The following ANTXR1 variants were observed in gnomAD, a reference collection of about 807,000 sequenced individuals.
The protein encoded by ANTXR1 is anthrax toxin receptor 1.
A neutral mutation model predicts 78.1 loss-of-function variants in ANTXR1; 19 were observed. The ratio of observed to expected loss-of-function variants is 0.24; its 90% CI spans 0.17 to 0.36. The LOEUF is 0.36. ANTXR1 is among the 10% of genes least tolerant of loss of function. The pLI is 1.00. For missense variants in ANTXR1, 518 were observed against 718.6 expected, an observed-to-expected ratio of 0.72 and a Z score of 3.19; for synonymous variants, 273 against 260.5, an observed-to-expected ratio of 1.05 and a Z score of -0.46.
chr2:69,146,848 C>T (rs1350352071), intron 12 of ANTXR1, among the ~76,000 whole-genome samples: 1 of 152,244 alleles, frequency 6.6e-6, no homozygotes, highest in Non-Finnish European at 1.5e-5. Context: ...CTATGTGGCC[C>T]TATGGTCTCA....
intron 12 of ANTXR1, among the ~76,000 whole-genome samples, chr2:69,141,901 A>T (rs1673079456): frequency 6.6e-6 from 1 of 152,164 alleles, no homozygotes; most frequent in African/African-American, 2.4e-5. Flanking sequence ...ACCCCCAAAT[A>T]GATGCTGGGT....
intron 17 of ANTXR1, among the ~76,000 whole-genome samples, chr2:69,214,056 C>T (rs1675117165): frequency 1.3e-5 from 2 of 152,268 alleles, no homozygotes; most frequent in Admixed American, 1.3e-4. Flanking sequence ...GCCAGAGCAG[C>T]GCCTCCACAC....
At chr2:69,076,187 G>A (rs898400796) in intron 7 of ANTXR1, among the ~76,000 whole-genome samples, 4 of 151,998 alleles carry the variant, frequency 2.6e-5, no homozygotes, top group Non-Finnish European at 4.4e-5. Context: ...GTATTGCCCA[G>A]GCTGGTCTCT....
chr2:69,163,067 T>C (rs1673726632), intron 13 of ANTXR1, among the ~76,000 whole-genome samples: 1 of 152,190 alleles, frequency 6.6e-6, no homozygotes, highest in Admixed American at 6.5e-5. Flanking sequence ...TAAAACATAC[T>C]TCAGTAAATA....
At chr2:69,070,513 T>C (rs1195906331) in intron 3 of ANTXR1, 134 bp from the exon 4 acceptor site, 1 of 812,430 alleles carries the variant, frequency 1.2e-6, no homozygotes, top group East Asian at 2.5e-5. Context: ...GGCCTTCCCT[T>C]TGATAGGCTT....
intron 8 of ANTXR1, among the ~76,000 whole-genome samples, chr2:69,089,891 A>T (rs1195353776): frequency 6.6e-6 from 1 of 152,190 alleles, no homozygotes; most frequent in Non-Finnish European, 1.5e-5. Context: ...AAAATACTTG[A>T]TTCAAATTCT....
chr2:69,188,171 G>A (rs939450342), intron 16 of ANTXR1, among the ~76,000 whole-genome samples: 3 of 151,936 alleles, frequency 2.0e-5, no homozygotes, highest in South Asian at 2.1e-4. Context: ...GCAGTGGTGC[G>A]ATCATATAGC....
chr2:69,065,893 G>A (rs1670384865), intron 3 of ANTXR1, among the ~76,000 whole-genome samples: 1 of 152,202 alleles, frequency 6.6e-6, no homozygotes, highest in Admixed American at 6.5e-5. Context: ...TTCCAGGAGT[G>A]GCATTAGTGG....
intron 12 of ANTXR1, chr2:69,146,195 A>G: frequency 1.0e-6 from 1 of 985,372 alleles, no homozygotes; most frequent in Non-Finnish European, 1.2e-6. Context: ...ACAAGACTTA[A>G]AACTATTCAT....
At chr2:69,147,317 A>T (rs570038591) in intron 12 of ANTXR1, among the ~76,000 whole-genome samples, 8 of 152,368 alleles carry the variant, frequency 5.3e-5, no homozygotes, top group African/African-American at 1.7e-4. Context: ...ATGTGCATCT[A>T]CTTCTATTCT....
chr2:69,215,093 C>G (rs1675143755), intron 17 of ANTXR1, among the ~76,000 whole-genome samples: 1 of 152,214 alleles, frequency 6.6e-6, no homozygotes, highest in Non-Finnish European at 1.5e-5. Context: ...CCCCTCCATC[C>G]TGCTGCACAG....
rs73934658 is a variant in ANTXR1, at chr2:69,039,837, T to A, written c.153-207T>A. On this transcript the variant is annotated intron_variant, in intron 1 of 17. Coordinates refer to ENST00000303714, the MANE Select transcript of ANTXR1 (RefSeq NM_032208.3). ...ATTTGGGGTGGGGGCAGTGCGAGAT[T>A]GGGGGAGTTCTTTTACAACATCTTA... 1.8e-3 allele frequency among the ~76,000 whole-genome samples: 268 copies of A among 151,518 alleles called. 1 individual carries two copies. The highest frequency in any genetic ancestry group is 6.2e-3 in the African/African-American group (257 of 41,278).
intron 10 of ANTXR1, among the ~76,000 whole-genome samples, chr2:69,108,109 G>A (rs183014152): frequency 3.8e-4 from 58 of 152,350 alleles, no homozygotes; most frequent in African/African-American, 4.8e-5. Context: ...TGTGGCTAGT[G>A]CAATTGAGGA....
At position 69,181,856 on chromosome 2, in the gene ANTXR1, G is replaced by C. The variant is rs1371064489; in HGVS notation, c.1160G>C (p.Gly387Ala). ...TVDASYYGGR[G>A]VGGIKRMEVR... ...GACGCCTCTTATTATGGTGGGAGAG[G>C]CGTTGGAGGCATTAAAAGAATGGAG... Residue 387 changes from glycine (G) to alanine (A), a missense_variant, in exon 15 of 18, where the codon GGC (glycine) becomes GCC (alanine). By Grantham distance (60) the Gly-to-Ala change is moderately conservative. This residue lies in a region of ANTXR1 where 1 missense variants were observed against 17.1 expected (regional missense o/e 0.06). Transcript: ENST00000303714. The C allele has an allele frequency of 6.2e-7, 1 of 1,614,008 alleles. No homozygotes were observed.
chr2:69,026,643 T>C (rs1024153116), intron 1 of ANTXR1, among the ~76,000 whole-genome samples: 1 of 152,222 alleles, frequency 6.6e-6, no homozygotes, highest in South Asian at 2.1e-4. Context: ...CCATATACTT[T>C]AGCAGAAATA....
intron 12 of ANTXR1, chr2:69,146,304 TC>T: frequency 2.0e-6 from 2 of 985,368 alleles, no homozygotes; most frequent in Non-Finnish European, 2.4e-6. Context: ...ATCTGAGAAC[TC>T]CCCCCACCAC....
At chr2:69,060,526 T>C (rs1359208026) in intron 3 of ANTXR1, among the ~76,000 whole-genome samples, 2 of 152,218 alleles carry the variant, frequency 1.3e-5, no homozygotes, top group Admixed American at 6.5e-5. Flanking sequence ...ACAACTTACA[T>C]AGAAATGTGA....
chr2:69,015,237 A>G (rs942374674), intron 1 of ANTXR1, among the ~76,000 whole-genome samples: 2 of 150,472 alleles, frequency 1.3e-5, no homozygotes, highest in East Asian at 4.1e-4. Context: ...TTTTGATGAT[A>G]AGAATTTAAC....
At chr2:69,210,535 G>GCA (rs1217558423) in intron 17 of ANTXR1, among the ~76,000 whole-genome samples, 1 of 152,166 alleles carries the variant, frequency 6.6e-6, no homozygotes, top group Non-Finnish European at 1.5e-5. Context: ...AAAACCAGAA[G>GCA]CATGCAATGT....
Sources: allele counts gnomAD v4.1 joint callset (sites outside exome capture counted in the v4.1 genomes callset), GRCh38; gene constraint gnomAD v4.1.1; regional missense constraint gnomAD v4.1.1; transcripts MANE v1.5; gene names NCBI Gene and HGNC (gene_info 2026-07-23, HGNC 2026-07-21).